ADGB: variants seen among roughly 807,000 people sequenced by gnomAD.
ADGB encodes androglobin.
ADGB carries 172 observed loss-of-function variants against 210.5 expected under a neutral mutation model. That is an observed-to-expected ratio of 0.82 (90% CI 0.72 to 0.93). ADGB has a LOEUF of 0.93. Ranked by LOEUF, ADGB falls within the 40% of genes least tolerant of loss-of-function variation. The pLI is 0.00. For synonymous variants in ADGB, 658 were observed against 662.7 expected, an observed-to-expected ratio of 0.99 and a Z score of 0.11; for missense variants, 2,025 against 1,964.8, an observed-to-expected ratio of 1.03 and a Z score of -0.58.
chr6:146,775,733 T>C (rs1026938364), intron 29 of ADGB, among the ~76,000 whole-genome samples: 3 of 152,104 alleles, frequency 2.0e-5, no homozygotes, highest in African/African-American at 7.2e-5. Flanking sequence ...TATTATACTG[T>C]TGTTCTTTAT....
intron 1 of ADGB, among the ~76,000 whole-genome samples, chr6:146,633,827 A>G (rs1056288556): frequency 1.1e-4 from 16 of 152,132 alleles, no homozygotes; most frequent in African/African-American, 3.9e-4. Context: ...TGAGCCTCAT[A>G]TATGAGAGTG....
intron 26 of ADGB, among the ~76,000 whole-genome samples, chr6:146,749,941 C>A (rs115970874): frequency 0.015 from 2,265 of 152,216 alleles, 55 homozygotes; most frequent in African/African-American, 0.052. Context: ...GATCCAATCA[C>A]CTCCTACCAG....
chr6:146,700,826 T>C, intron 12 of ADGB, 115 bp from the exon 13 acceptor site: 1 of 1,221,446 alleles, frequency 8.2e-7, no homozygotes. Context: ...AGAATGAGAA[T>C]GACAAATAGA....
At chr6:146,760,051 G>A (rs1777463273) in intron 27 of ADGB, among the ~76,000 whole-genome samples, 1 of 151,776 alleles carries the variant, frequency 6.6e-6, no homozygotes, top group African/African-American at 2.4e-5. Flanking sequence ...AAAATAATGA[G>A]TTATGAATTA....
Position 146,672,271 on chromosome 6 carries a change from G to A in ADGB, c.891G>A (p.Glu297=). 1 of 1,550,330 alleles carries A rather than the reference G, an allele frequency of 6.5e-7. No homozygotes were observed. The highest frequency in any genetic ancestry group is 2.0e-5 in the Admixed American group (1 of 50,904). ...VWELLKEILP[E]FKLSDEASSE... ...AGCTCCTGAAAGAAATATTGCCTGA[G>A]TTTAAGCTGTCAGATGAGGCCAGCT... is the stretch of plus-strand genomic sequence containing the variant. Residue 297 remains glutamate (E), a synonymous_variant, in exon 8 of 36, where the codon GAG becomes GAA. Coordinates refer to ENST00000397944, the MANE Select transcript of ADGB (RefSeq NM_024694.4).
intron 27 of ADGB, among the ~76,000 whole-genome samples, chr6:146,759,378 G>A (rs1348801061): frequency 1.3e-5 from 2 of 151,368 alleles, no homozygotes; most frequent in Non-Finnish European, 3.0e-5. Flanking sequence ...TATGGTATAA[G>A]GTCAATTTAA....
intron 29 of ADGB, among the ~76,000 whole-genome samples, chr6:146,777,833 A>G (rs1215102947): frequency 6.6e-6 from 1 of 152,184 alleles, no homozygotes; most frequent in Non-Finnish European, 1.5e-5. Context: ...TGTCAGAATC[A>G]CGTGAGGTAC....
Position 146,683,604 on chromosome 6 carries a change from A to AT in ADGB, c.1217-2123dup, listed in dbSNP as rs201587404. Among the ~76,000 whole-genome samples the AT allele has an allele frequency of 2.6e-5, 4 of 151,982 alleles. 1 individual carries two copies. The highest frequency in any genetic ancestry group is 5.9e-5 in the Non-Finnish European group (4 of 67,978). ...GTGATTATCCTAAAATTTGGAGCAA[A>AT]TTTTTTTGTCATCAACATCATTTCT... On this transcript the variant is annotated intron_variant, in intron 9 of 35. Coordinates refer to ENST00000397944, the MANE Select transcript of ADGB (RefSeq NM_024694.4).
At chr6:146,743,800 G>C (rs1001680539) in intron 25 of ADGB, among the ~76,000 whole-genome samples, 5 of 152,156 alleles carry the variant, frequency 3.3e-5, no homozygotes, top group African/African-American at 7.2e-5. Context: ...TGTAGTCCCA[G>C]CTACTAGGGA....
chr6:146,691,442 A>ATATATAT lies in ADGB; in HGVS notation c.1486+152_1486+153insTATATAT, dbSNP rs1491360806. 3.3e-4 allele frequency among the ~76,000 whole-genome samples: 18 copies of ATATATAT among 54,962 alleles called. 1 individual carries two copies. Among genetic ancestry groups the ATATATAT allele is most frequent in the African/African-American group, 2.7e-3 (15 of 5,566 alleles). The allele number at this position is 54,962 out of a possible 152,430, so 36.1% of individuals were successfully genotyped here. ...TATATATATATATATATATATATAT[A>ATATATAT]AAAATATATATATATAAAAATATAT... On this transcript the variant is annotated intron_variant, in intron 11 of 35. Coordinates refer to ENST00000397944, the MANE Select transcript of ADGB (RefSeq NM_024694.4).
intron 10 of ADGB, among the ~76,000 whole-genome samples, chr6:146,687,927 C>A (rs1480500168): frequency 6.6e-6 from 1 of 152,000 alleles, no homozygotes; most frequent in East Asian, 1.9e-4. Context: ...TCCTTTTGAA[C>A]TTTTGGTGTG....
chr6:146,626,348 T>G (rs889153484), intron 1 of ADGB, among the ~76,000 whole-genome samples: 4 of 152,024 alleles, frequency 2.6e-5, no homozygotes, highest in African/African-American at 9.7e-5. Flanking sequence ...ATGTATTTAC[T>G]ACGTAAAATT....
chr6:146,762,520 T>C (rs1268505678), intron 27 of ADGB, among the ~76,000 whole-genome samples: 1 of 152,182 alleles, frequency 6.6e-6, no homozygotes, highest in African/African-American at 2.4e-5. Context: ...TCTATTTCTA[T>C]TGACTATTTT....
chr6:146,710,078 A>G (rs1208289181), intron 13 of ADGB, among the ~76,000 whole-genome samples: 1 of 151,282 alleles, frequency 6.6e-6, no homozygotes, highest in Non-Finnish European at 1.5e-5. Flanking sequence ...ATTCATATAT[A>G]AATCTGGTTC....
At chr6:146,761,060 T>C (rs1381063195) in intron 27 of ADGB, among the ~76,000 whole-genome samples, 1 of 151,970 alleles carries the variant, frequency 6.6e-6, no homozygotes, top group African/African-American at 2.4e-5. Context: ...TCTTTTCACT[T>C]CCTTAACAGC....
chr6:146,702,620 A>G (rs1305943533), intron 13 of ADGB, among the ~76,000 whole-genome samples: 1 of 151,800 alleles, frequency 6.6e-6, no homozygotes, highest in African/African-American at 2.4e-5. Flanking sequence ...CTTTTTTTCT[A>G]CTCAAAATTA....
intron 1 of ADGB, among the ~76,000 whole-genome samples, chr6:146,618,947 A>G (rs931268809): frequency 6.6e-6 from 1 of 151,878 alleles, no homozygotes; most frequent in African/African-American, 2.4e-5. Context: ...GAAATCCTCT[A>G]TTGGATTGAA....
chr6:146,666,266 A>G (rs1262201617), intron 6 of ADGB, among the ~76,000 whole-genome samples: 2 of 152,032 alleles, frequency 1.3e-5, no homozygotes, highest in Non-Finnish European at 2.9e-5. Context: ...GAATAGTGAT[A>G]CTTGGTTAAT....
At chr6:146,628,556 C>T (rs1001658300) in intron 1 of ADGB, among the ~76,000 whole-genome samples, 1 of 151,882 alleles carries the variant, frequency 6.6e-6, no homozygotes, top group African/African-American at 2.4e-5. Flanking sequence ...TTTTTTTTAA[C>T]CTTATTTCCT....
Sources: gnomAD v4.1 joint callset for allele counts (sites outside exome capture counted in the v4.1 genomes callset) on GRCh38, gnomAD v4.1.1 for gene constraint, MANE v1.5 for transcripts, NCBI Gene and HGNC (gene_info 2026-07-23, HGNC 2026-07-21) for gene names.